The following COL6A2 variants were observed in gnomAD, a reference collection of about 807,000 sequenced individuals.
COL6A2 encodes collagen alpha-2(VI) chain.
In COL6A2, 90 loss-of-function variants were observed where a neutral mutation model predicts 124.9. The ratio of observed to expected loss-of-function variants is 0.72; its 90% CI spans 0.61 to 0.86. COL6A2 has a LOEUF of 0.86. COL6A2 is among the 40% of genes least tolerant of loss of function. The probability of loss-of-function intolerance (pLI) is 0.00; values close to 1 mark genes in which losing one functional copy is unlikely to be tolerated. For synonymous variants in COL6A2, 793 were observed against 618.2 expected (o/e 1.28, Z -4.19); for missense variants, 1,607 against 1,502.5 (o/e 1.07, Z -1.15).
chr21:46,123,873 G>C (rs1268353571), intron 21 of COL6A2, among the ~76,000 whole-genome samples: 1 of 143,786 alleles, frequency 7.0e-6, no homozygotes, highest in Non-Finnish European at 1.5e-5. Context: ...GTTGGCAGAT[G>C]GATGGATGGG....
At chr21:46,118,882 G>C in intron 13 of COL6A2, 148 bp from the exon 14 acceptor site, 1 of 930,562 alleles carries the variant, frequency 1.1e-6, no homozygotes, top group Non-Finnish European at 1.7e-6. Flanking sequence ...GGCTGAACAA[G>C]TTCCAGGGGA....
chr21:46,121,895 G>A lies in COL6A2; in HGVS notation c.1522-213G>A, dbSNP rs145867087. On this transcript the variant is annotated intron_variant, in intron 18 of 27. Coordinates refer to ENST00000300527, the MANE Select transcript of COL6A2 (RefSeq NM_001849.4). ...GTGGCCTGAGTAGGGTCCTCCCCGC[G>A]TGTGGGCAGGCTTCGGGTCTCTAGG... 6.5e-3 allele frequency among the ~76,000 whole-genome samples: 945 copies of A among 145,072 alleles called. 31 individuals are homozygous for A. The highest frequency in any genetic ancestry group is 0.052 in the Admixed American group (776 of 15,062).
chr21:46,109,594 A>AC (rs929980734), intron 1 of COL6A2, among the ~76,000 whole-genome samples: 5 of 151,078 alleles, frequency 3.3e-5, no homozygotes, highest in South Asian at 2.1e-4. Flanking sequence ...CACCCTCAGC[A>AC]CCCCCCCAAG....
At chr21:46,119,657 C>T (rs764723153) in intron 14 of COL6A2, 131 bp from the exon 15 acceptor site, 47 of 761,256 alleles carry the variant, frequency 6.2e-5, no homozygotes, top group Non-Finnish European at 9.0e-5. Context: ...GCCTGGGGAT[C>T]GAGGTCCCAG....
At chr21:46,103,308 T>G (rs1428567851) in intron 1 of COL6A2, among the ~76,000 whole-genome samples, 1 of 152,186 alleles carries the variant, frequency 6.6e-6, no homozygotes, top group Non-Finnish European at 1.5e-5. Flanking sequence ...GAGTTTCTTC[T>G]TTTTTTCTTA....
chr21:46,129,167 T>TA, intron 27 of COL6A2: 1 of 1,612,594 alleles, frequency 6.2e-7, no homozygotes, highest in Non-Finnish European at 8.5e-7. Context: ...CCGCAGGCCT[T>TA]ACAGTCTTCT....
intron 18 of COL6A2, 40 bp downstream of exon 18, chr21:46,121,658 G>A (rs1280154255): frequency 1.2e-6 from 2 of 1,605,072 alleles, no homozygotes; most frequent in Non-Finnish European, 1.7e-6. Flanking sequence ...TAGGGGTTCG[G>A]GGCAGCTGCC....
chr21:46,114,357 G>A (rs546213086), intron 5 of COL6A2, among the ~76,000 whole-genome samples: 11 of 151,616 alleles, frequency 7.3e-5, no homozygotes, highest in Admixed American at 2.0e-4. Flanking sequence ...CCTGGGAAGC[G>A]GAGGTTGCAG....
chr21:46,127,299 T>G (rs1430124900), intron 27 of COL6A2, among the ~76,000 whole-genome samples: 1 of 152,064 alleles, frequency 6.6e-6, no homozygotes, highest in Non-Finnish European at 1.5e-5. Context: ...CGGTACGAAG[T>G]CAGCGCTTCC....
rs1261715478 is a variant in COL6A2, at chr21:46,116,892, C to A, written c.999+78C>A. 8.4e-6 allele frequency: 12 copies of A among 1,426,118 alleles called. No individual in the cohort carries two copies. Among genetic ancestry groups the A allele is most frequent in the African/African-American group, 1.4e-5 (1 of 71,242 alleles). 88.3% of individuals were successfully genotyped at this position (1,426,118 alleles called of 1,614,324 possible). A position where few individuals can be genotyped will look rare whatever the true frequency, so the allele number is the denominator to read the frequency against. ...CCTCTGCAGGGCCCCCAGATCCAGC[C>A]TGATCTGTCAGCTTACACATGTGTA... is the stretch of plus-strand genomic sequence containing the variant. On this transcript the variant is annotated intron_variant, in intron 10 of 27. Coordinates refer to ENST00000300527, the MANE Select transcript of COL6A2 (RefSeq NM_001849.4). The surrounding 1 kb of genome is among the most constrained non-coding windows in gnomAD (Gnocchi z 4.6).
chr21:46,111,627 TG>T lies in COL6A2; in HGVS notation c.115+42del, dbSNP rs572064158. ...TCGGGGGCCGGGGGCTCTGGGCATT[TG>T]GGGGGCAGTTGGGACCAGTACCCAG... On this transcript the variant is annotated intron_variant, in intron 2 of 27. Transcript: ENST00000300527. 240 of 931,546 alleles carry T rather than the reference TG, an allele frequency of 2.6e-4. 2 individuals are homozygous for T. The African/African-American group carries it at 4.0e-3, about 16-fold the overall frequency. The allele number at this position is 931,546 out of a possible 1,614,324, so 57.7% of individuals were successfully genotyped here. A position where few individuals can be genotyped will look rare whatever the true frequency, so the allele number is the denominator to read the frequency against.
Position 46,132,638 on chromosome 21 carries a change from C to T in COL6A2, c.*86C>T. On this transcript the variant is annotated 3_prime_UTR_variant, in exon 28 of 28. Coordinates refer to ENST00000300527, the MANE Select transcript of COL6A2 (RefSeq NM_001849.4). Reference sequence around the variant, plus strand: ...GGGCCCGGGTCCCACACGGCCAGCACCGCTGCTCACTCGGACGACGCCCTG... The same window carrying T: ...GGGCCCGGGTCCCACACGGCCAGCATCGCTGCTCACTCGGACGACGCCCTG... 1 of 1,327,550 alleles carries T rather than the reference C, an allele frequency of 7.5e-7. No homozygotes were observed. Among genetic ancestry groups the T allele is most frequent in the Non-Finnish European group, 1.0e-6 (1 of 957,538 alleles). The allele number at this position is 1,327,550 out of a possible 1,614,324, so 82.2% of individuals were successfully genotyped here.
In COL6A2 at chr21:46,116,128, C is replaced by T; in HGVS notation, c.900+75C>T. 1 of 1,474,536 alleles carries T rather than the reference C, an allele frequency of 6.8e-7. No homozygotes were observed. The highest frequency in any genetic ancestry group is 9.3e-7 in the Non-Finnish European group (1 of 1,078,322). The allele number at this position is 1,474,536 out of a possible 1,614,324, so 91.3% of individuals were successfully genotyped here. ...GCCAGGCAGGCTCCCCCCAGCCCAGCCTCGGCCTCAGCCTCTACGACCCTC... is the reference window on the plus strand; with the variant it reads ...GCCAGGCAGGCTCCCCCCAGCCCAGTCTCGGCCTCAGCCTCTACGACCCTC... On this transcript the variant is annotated intron_variant, in intron 7 of 27. Transcript: ENST00000300527. The surrounding 1 kb of genome is among the most constrained non-coding windows in gnomAD (Gnocchi z 4.6).
intron 1 of COL6A2, among the ~76,000 whole-genome samples, chr21:46,101,208 T>G (rs2123590554): frequency 6.6e-6 from 1 of 152,228 alleles, no homozygotes; most frequent in East Asian, 1.9e-4. Context: ...TATATATCTC[T>G]TGGGAGAAAT....
chr21:46,122,961 C>T (rs1408506913), intron 21 of COL6A2, 24 bp downstream of exon 21: 1 of 1,610,480 alleles, frequency 6.2e-7, no homozygotes, highest in Admixed American at 1.7e-5. Flanking sequence ...TCCCGAAGCC[C>T]ACAGCAGCTG....
At chr21:46,100,985 G>A (rs935172071) in intron 1 of COL6A2, among the ~76,000 whole-genome samples, 3 of 152,096 alleles carry the variant, frequency 2.0e-5, no homozygotes, top group South Asian at 2.1e-4. Flanking sequence ...TGTTTCCCAC[G>A]GTGGCTGCAC....
intron 27 of COL6A2, among the ~76,000 whole-genome samples, chr21:46,128,065 G>C (rs2078700851): frequency 6.6e-6 from 1 of 152,180 alleles, no homozygotes; most frequent in Non-Finnish European, 1.5e-5. Context: ...CTCTGGTTCT[G>C]GCCTCAGGGT....
In COL6A2 at chr21:46,121,409, A is replaced by G. The variant is rs904379101; in HGVS notation, c.1459-147A>G. 12 of 832,764 alleles carry G rather than the reference A, an allele frequency of 1.4e-5. No homozygotes were observed. The Admixed American group carries it at 2.4e-4, about 17-fold the overall frequency. 51.6% of individuals were successfully genotyped at this position (832,764 alleles called of 1,614,324 possible). A position where few individuals can be genotyped will look rare whatever the true frequency, so the allele number is the denominator to read the frequency against. ...GGGAAAGGAGGAGCTGGGACCCTCA[A>G]GACAGAGGTCCACGGCCCCCACAGG... On this transcript the variant is annotated intron_variant, in intron 17 of 27. Transcript: ENST00000300527.
chr21:46,129,395 A>G (rs2078726283), intron 27 of COL6A2: 1 of 1,612,964 alleles, frequency 6.2e-7, no homozygotes, highest in African/African-American at 1.3e-5. Context: ...CCACCGGGGT[A>G]GAGCGGCAGG....
Sources: gnomAD v4.1 joint callset for allele counts (sites outside exome capture counted in the v4.1 genomes callset) on GRCh38, gnomAD v4.1.1 for gene constraint, Gnocchi (gnomAD v3.1) non-coding constraint, MANE v1.5 for transcripts, NCBI Gene and HGNC (gene_info 2026-07-23, HGNC 2026-07-21) for gene names.